The following CHAF1B variants were observed in gnomAD, a reference collection of about 807,000 sequenced individuals.
CHAF1B encodes CAF-1 subunit B.
Under a neutral mutation model 60.7 loss-of-function variants are expected in CHAF1B, and 10 were observed. That is an observed-to-expected ratio of 0.16 (90% CI 0.10 to 0.28). The LOEUF (loss-of-function observed/expected upper bound fraction) is 0.28, where lower values mean the gene tolerates loss of function less well. Ranked by LOEUF, CHAF1B falls within the 10% of genes least tolerant of loss-of-function variation. The pLI, the probability that CHAF1B is intolerant of heterozygous loss-of-function variation, is 1.00. For synonymous variants in CHAF1B, 261 were observed against 266.1 expected (o/e 0.98, Z 0.19); for missense variants, 558 against 708.4 (o/e 0.79, Z 2.41).
intron 7 of CHAF1B, among the ~76,000 whole-genome samples, chr21:36,400,166 C>T (rs1428027904): frequency 1.3e-5 from 2 of 150,988 alleles, no homozygotes; most frequent in South Asian, 2.1e-4. Context: ...GGCGACAGAG[C>T]GAGACTCGAT....
intron 5 of CHAF1B, among the ~76,000 whole-genome samples, chr21:36,395,764 A>AG (rs143626742): frequency 0.031 from 4,683 of 152,272 alleles, 102 homozygotes; most frequent in Admixed American, 0.047. Context: ...AAAAGCAAGT[A>AG]TGGCTAACTC....
intron 3 of CHAF1B, among the ~76,000 whole-genome samples, chr21:36,388,346 C>T (rs1569119235): frequency 1.3e-5 from 2 of 152,000 alleles, no homozygotes; most frequent in African/African-American, 4.8e-5. Flanking sequence ...CCAAGCAAGG[C>T]GACTGTTCTG....
chr21:36,414,953 C>T (rs1292458461), intron 12 of CHAF1B, among the ~76,000 whole-genome samples: 1 of 152,194 alleles, frequency 6.6e-6, no homozygotes, highest in Non-Finnish European at 1.5e-5. Flanking sequence ...TGTGTTTCGA[C>T]GCTTTCTATA....
intron 7 of CHAF1B, among the ~76,000 whole-genome samples, chr21:36,401,528 T>G (rs1272803530): frequency 1.2e-5 from 1 of 80,844 alleles, no homozygotes; most frequent in African/African-American, 6.2e-5. Flanking sequence ...AATATATATT[T>G]TTATATTATA....
chr21:36,413,430 T>C (rs972396362), intron 12 of CHAF1B, 115 bp downstream of exon 12: 69 of 975,224 alleles, frequency 7.1e-5, no homozygotes, highest in Admixed American at 2.6e-4. Context: ...TGCCAGTAGG[T>C]TGCCAGAGAG....
At chr21:36,412,825 C>A in intron 11 of CHAF1B, 59 bp from the exon 12 acceptor site, 1 of 1,519,810 alleles carries the variant, frequency 6.6e-7, no homozygotes, top group South Asian at 1.3e-5. Context: ...CTTCCCTCTT[C>A]TAAGTAGATG....
intron 10 of CHAF1B, among the ~76,000 whole-genome samples, chr21:36,411,116 CTTTTT>C (rs35488336): frequency 1.6e-5 from 2 of 126,794 alleles, no homozygotes; most frequent in Non-Finnish European, 1.7e-5. Context: ...TATAAATATT[CTTTTT>C]TTTTTTTTTT....
At chr21:36,401,829 T>C (rs2086194430) in intron 7 of CHAF1B, among the ~76,000 whole-genome samples, 1 of 151,586 alleles carries the variant, frequency 6.6e-6, no homozygotes, top group Non-Finnish European at 1.5e-5. Flanking sequence ...CAACCTTTGC[T>C]TCCTGGGTTC....
chr21:36,399,008 T>C (rs1396011309), intron 6 of CHAF1B, among the ~76,000 whole-genome samples: 1 of 151,996 alleles, frequency 6.6e-6, no homozygotes, highest in African/African-American at 2.4e-5. Context: ...ACAATCTGAT[T>C]AGCTAGTGGG....
intron 5 of CHAF1B, 80 bp downstream of exon 5, chr21:36,394,730 CTTTTTT>C (rs370521957): frequency 9.1e-5 from 49 of 538,728 alleles, no homozygotes; most frequent in Middle Eastern, 5.1e-4. Context: ...CTTGCTTTAA[CTTTTTT>C]TTTTTTTTTT....
At chr21:36,397,391 C>T (rs116995016) in intron 5 of CHAF1B, 24 bp from the exon 6 acceptor site, 21,391 of 1,241,806 alleles carry the variant, frequency 0.017, 209 homozygotes, top group Non-Finnish European at 0.022. Context: ...TGTTTTGGTG[C>T]GTGTGTGTGT....
intron 8 of CHAF1B, among the ~76,000 whole-genome samples, chr21:36,403,087 A>C (rs761462671): frequency 6.6e-6 from 1 of 152,164 alleles, no homozygotes; most frequent in Non-Finnish European, 1.5e-5. Context: ...AATTTTAAGA[A>C]GATTTCCAAG....
intron 2 of CHAF1B, among the ~76,000 whole-genome samples, chr21:36,387,005 T>C (rs1166423535): frequency 6.6e-6 from 1 of 151,684 alleles, no homozygotes; most frequent in African/African-American, 2.4e-5. Context: ...TGAGCCACCA[T>C]GCCCGGCTCT....
intron 12 of CHAF1B, among the ~76,000 whole-genome samples, chr21:36,414,248 T>C (rs1299431054): frequency 1.3e-5 from 2 of 152,100 alleles, no homozygotes; most frequent in Non-Finnish European, 2.9e-5. Flanking sequence ...ATAAACTGAG[T>C]CACGAGGAGA....
At chr21:36,385,716 C>T (rs1199175908) in intron 1 of CHAF1B, among the ~76,000 whole-genome samples, 2 of 152,092 alleles carry the variant, frequency 1.3e-5, no homozygotes, top group East Asian at 2.0e-4. Context: ...CCCGTTTGGC[C>T]CCCTCTTCCG....
intron 3 of CHAF1B, 39 bp from the exon 4 acceptor site, chr21:36,391,511 TG>T: frequency 8.5e-7 from 1 of 1,178,184 alleles, no homozygotes; most frequent in Non-Finnish European, 1.3e-6. Flanking sequence ...TGAAGGAGTG[TG>T]GGTGAAGCGT....
chr21:36,403,861 G>A lies in CHAF1B; in HGVS notation c.757+1010G>A, dbSNP rs140261405. On this transcript the variant is annotated intron_variant, in intron 8 of 13. Coordinates refer to ENST00000314103, the MANE Select transcript of CHAF1B (RefSeq NM_005441.3). ...AACATAGCCCAGGGTTGGGCCAAACGGGAGGGCACTGTCTTGGTTTGCCAC... is the reference window on the plus strand; with the variant it reads ...AACATAGCCCAGGGTTGGGCCAAACAGGAGGGCACTGTCTTGGTTTGCCAC... Among the ~76,000 whole-genome samples the A allele has an allele frequency of 2.7e-3, 409 of 152,258 alleles. 1 individual carries two copies. Among genetic ancestry groups the A allele is most frequent in the Middle Eastern group, 0.014 (4 of 294 alleles).
intron 13 of CHAF1B, chr21:36,415,750 T>C: frequency 2.6e-6 from 1 of 391,146 alleles, no homozygotes; most frequent in Non-Finnish European, 4.9e-6. Flanking sequence ...ATGACATTCT[T>C]TTTTTTTTTT....
intron 10 of CHAF1B, 67 bp downstream of exon 10, chr21:36,409,532 G>A: frequency 3.4e-6 from 4 of 1,162,498 alleles, no homozygotes; most frequent in Non-Finnish European, 5.1e-6. Context: ...GTGGGGTGGA[G>A]ATTTGGATTC....
Sources: allele counts gnomAD v4.1 joint callset (sites outside exome capture counted in the v4.1 genomes callset), GRCh38; gene constraint gnomAD v4.1.1; transcripts MANE v1.5; gene names NCBI Gene and HGNC (gene_info 2026-07-23, HGNC 2026-07-21).